The following NUAK1 variants were observed in gnomAD, a reference collection of about 807,000 sequenced individuals.
NUAK1 encodes the protein NUAK family kinase 1.
A neutral mutation model predicts 56.9 loss-of-function variants in NUAK1; 26 were observed. That is an observed-to-expected ratio of 0.46 (90% CI 0.33 to 0.63). The LOEUF is 0.63. NUAK1 is among the 30% of genes least tolerant of loss of function. NUAK1 has a pLI of 0.02. For missense variants in NUAK1, 727 were observed against 876.1 expected, an observed-to-expected ratio of 0.83 and a Z score of 2.15; for synonymous variants, 337 against 336.0, an observed-to-expected ratio of 1.00 and a Z score of -0.03.
Position 106,072,775 on chromosome 12 carries a change from T to A in NUAK1, c.648A>T (p.Pro216=). The A allele has an allele frequency of 6.2e-7, 1 of 1,613,802 alleles. No individual in the cohort carries two copies. Among genetic ancestry groups the A allele is most frequent in the Non-Finnish European group, 8.5e-7 (1 of 1,179,960 alleles). Residue 216 remains proline, a synonymous_variant, in exon 5 of 7, where the codon CCA becomes CCT. Coordinates refer to ENST00000261402, the MANE Select transcript of NUAK1 (RefSeq NM_014840.3). ...TGACAATCTCAGGAGATGCATAGAG[T>A]GGACTCCCACAAAACGTTTGTAAGA... is the stretch of plus-strand genomic sequence containing the variant. ...DKFLQTFCGS[P]LYASPEIVNG...
chr12:106,073,847 G>T (rs899257449), intron 4 of NUAK1, among the ~76,000 whole-genome samples: 2 of 152,006 alleles, frequency 1.3e-5, no homozygotes, highest in Middle Eastern at 6.8e-3. Context: ...CACCGTGAGT[G>T]TAACAGTGGT....
chr12:106,119,077 A>G (rs1400155207), intron 1 of NUAK1, among the ~76,000 whole-genome samples: 6 of 152,220 alleles, frequency 3.9e-5, no homozygotes, highest in Non-Finnish European at 7.3e-5. Context: ...AGGGGACTAA[A>G]TTCTACTTCT....
intron 4 of NUAK1, among the ~76,000 whole-genome samples, chr12:106,079,913 G>C (rs934514542): frequency 6.6e-6 from 1 of 152,156 alleles, no homozygotes; most frequent in African/African-American, 2.4e-5. Context: ...TAAATCCCCA[G>C]CACAGGGTCA....
chr12:106,098,674 C>A (rs1220036117), intron 2 of NUAK1, among the ~76,000 whole-genome samples: 1 of 152,014 alleles, frequency 6.6e-6, no homozygotes, highest in African/African-American at 2.4e-5. Context: ...ATCTCCCCCA[C>A]CCCTCCACCC....
At chr12:106,087,007 G>C in intron 2 of NUAK1, 122 bp from the exon 3 acceptor site, 1 of 1,280,922 alleles carries the variant, frequency 7.8e-7, no homozygotes, top group South Asian at 1.5e-5. Flanking sequence ...TGATGGGTCA[G>C]AACACAAATC....
At chr12:106,107,861 TG>T (rs1193126516) in intron 1 of NUAK1, among the ~76,000 whole-genome samples, 1 of 152,268 alleles carries the variant, frequency 6.6e-6, no homozygotes, top group Non-Finnish European at 1.5e-5. Flanking sequence ...AGACAGGTTA[TG>T]TCTGACTAGC....
At position 106,064,878 on chromosome 12, in the gene NUAK1, T is replaced by A. The variant is rs1440146466; in HGVS notation, c.*1924A>T. The A allele has an allele frequency of 6.8e-6, 1 of 147,152 alleles. No individual in the cohort carries two copies. The highest frequency in any genetic ancestry group is 2.0e-4 in the East Asian group (1 of 4,968). The allele number at this position is 147,152 out of a possible 1,614,324, so 9.1% of individuals were successfully genotyped here. A position where few individuals can be genotyped will look rare whatever the true frequency, so the allele number is the denominator to read the frequency against. On this transcript the variant is annotated 3_prime_UTR_variant, in exon 7 of 7. Transcript: ENST00000261402. ...ATTAGAGTTCAGGAAGGAGGTGGAA[T>A]TGAATGAAAGGAAATTGAGCAGCTT...
At chr12:106,134,526 C>A (rs1367816570) in intron 1 of NUAK1, among the ~76,000 whole-genome samples, 1 of 152,220 alleles carries the variant, frequency 6.6e-6, no homozygotes, top group Non-Finnish European at 1.5e-5. Flanking sequence ...CCAGACTCCC[C>A]CCCAGGGACC....
chr12:106,070,925 A>C lies in NUAK1; in HGVS notation c.700-19T>G. ...TGTCCACCTGGAGCAGAGAGACAGC[A>C]CATATAGGAGAGCTGGGAAACAGAT... On this transcript the variant is annotated intron_variant, in intron 5 of 6. Coordinates refer to ENST00000261402, the MANE Select transcript of NUAK1 (RefSeq NM_014840.3). 6.2e-7 allele frequency: 1 copy of C among 1,613,930 alleles called. No individual in the cohort carries two copies. Among genetic ancestry groups the C allele is most frequent in the Non-Finnish European group, 8.5e-7 (1 of 1,179,852 alleles).
In NUAK1 at chr12:106,067,697, C is replaced by T. The variant is rs145399889; in HGVS notation, c.1091G>A (p.Arg364Gln). 1.5e-4 allele frequency: 238 copies of T among 1,614,106 alleles called. No homozygotes were observed. Among genetic ancestry groups the T allele is most frequent in the Non-Finnish European group, 1.7e-4 (197 of 1,180,052 alleles). Residue 364 changes from arginine to glutamine, a missense_variant, in exon 7 of 7, where the codon CGG (arginine) becomes CAG (glutamine). Physicochemically the swap from Arg to Gln is conservative, Grantham distance 43 (BLOSUM62 1). Transcript: ENST00000261402. This position sits in a 1 kb window ranked among gnomAD's most constrained non-coding sequence, Gnocchi z 6.0. ...CTTGGATTTCTTCAGCGACCGCTGC[C>T]GCTCTAGCATGACCTCAGAGGTCGT... is the stretch of plus-strand genomic sequence containing the variant. ...KPTTSEVMLE[R>Q]QRSLKKSKKE...
At position 106,063,753 on chromosome 12, in the gene NUAK1, A is replaced by T. The variant is rs1259909199; in HGVS notation, c.*3049T>A. On this transcript the variant is annotated 3_prime_UTR_variant, in exon 7 of 7. Transcript: ENST00000261402. ...TTCTAGGAATGATACCATGCCAGTA[A>T]ATCCCTACAGAACATTTCCAGTTTG... 6.6e-6 allele frequency: 1 copy of T among 152,170 alleles called. No homozygotes were observed. Among genetic ancestry groups the T allele is most frequent in the Non-Finnish European group, 1.5e-5 (1 of 68,000 alleles). The allele number at this position is 152,170 out of a possible 1,614,324, so 9.4% of individuals were successfully genotyped here.
chr12:106,084,970 A>AT (rs2032556886), intron 3 of NUAK1, among the ~76,000 whole-genome samples: 1 of 152,222 alleles, frequency 6.6e-6, no homozygotes, highest in South Asian at 2.1e-4. Flanking sequence ...ACCATTCTTA[A>AT]TATCTCCAAA....
At position 106,138,106 on chromosome 12, in the gene NUAK1, C is replaced by A. The variant is rs2033146470; in HGVS notation, c.240+308G>T. 6.6e-6 allele frequency among the ~76,000 whole-genome samples: 1 copy of A among 152,202 alleles called. No homozygotes were observed. Among genetic ancestry groups the A allele is most frequent in the South Asian group, 2.1e-4 (1 of 4,830 alleles). On this transcript the variant is annotated intron_variant, in intron 1 of 6. Coordinates refer to ENST00000261402, the MANE Select transcript of NUAK1 (RefSeq NM_014840.3). The surrounding 1 kb of genome is among the most constrained non-coding windows in gnomAD (Gnocchi z 5.0). ...TGCCTGCGAGGGAGAGAGACCCCGG[C>A]CGTCCCAACGCTGCAAAGTGTTTGC...
At chr12:106,134,384 T>C (rs1446354751) in intron 1 of NUAK1, among the ~76,000 whole-genome samples, 5 of 152,238 alleles carry the variant, frequency 3.3e-5, no homozygotes, top group Non-Finnish European at 7.3e-5. Flanking sequence ...AAAACACCCA[T>C]TTTTGGTCAA....
At chr12:106,128,163 G>C (rs891288515) in intron 1 of NUAK1, among the ~76,000 whole-genome samples, 1 of 135,812 alleles carries the variant, frequency 7.4e-6, no homozygotes, top group South Asian at 2.2e-4. Flanking sequence ...ACAGAGACTC[G>C]TTCTGTTGCC....
chr12:106,121,473 G>C (rs2032974213), intron 1 of NUAK1, among the ~76,000 whole-genome samples: 1 of 152,198 alleles, frequency 6.6e-6, no homozygotes, highest in Admixed American at 6.5e-5. Context: ...TGGGAGGCTG[G>C]GCGTGGTAGC....
At chr12:106,117,264 A>G (rs1423686481) in intron 1 of NUAK1, among the ~76,000 whole-genome samples, 1 of 152,214 alleles carries the variant, frequency 6.6e-6, no homozygotes, top group Non-Finnish European at 1.5e-5. Context: ...CCATCCCAGC[A>G]AAGTGTTCTT....
chr12:106,110,544 G>T (rs895881200), intron 1 of NUAK1, among the ~76,000 whole-genome samples: 1 of 152,184 alleles, frequency 6.6e-6, no homozygotes, highest in South Asian at 2.1e-4. Flanking sequence ...AAACACAGAG[G>T]TAAGGAAGGG....
intron 1 of NUAK1, among the ~76,000 whole-genome samples, chr12:106,122,904 G>C (rs1029566739): frequency 6.6e-6 from 1 of 152,182 alleles, no homozygotes; most frequent in South Asian, 2.1e-4. Flanking sequence ...GACTGAATAA[G>C]CTCCTCACCC....
Sources: allele counts gnomAD v4.1 joint callset (sites outside exome capture counted in the v4.1 genomes callset), GRCh38; gene constraint gnomAD v4.1.1; non-coding constraint Gnocchi (gnomAD v3.1); transcripts MANE v1.5; gene names NCBI Gene and HGNC (gene_info 2026-07-23, HGNC 2026-07-21).